The following DLG2 variants were observed in gnomAD, a reference collection of about 807,000 sequenced individuals.
DLG2 encodes discs large MAGUK scaffold protein 2.
In DLG2, 45 loss-of-function variants were observed where a neutral mutation model predicts 132.5. The ratio of observed to expected loss-of-function variants is 0.34; its 90% CI spans 0.27 to 0.44. DLG2 has a LOEUF of 0.44. DLG2 is among the 20% of genes least tolerant of loss of function. The pLI, the probability that DLG2 is intolerant of heterozygous loss-of-function variation, is 1.00. For synonymous variants in DLG2, 424 were observed against 419.6 expected (o/e 1.01, Z -0.13); for missense variants, 1,045 against 1,196.9 (o/e 0.87, Z 1.87).
chr11:84,681,600 C>G (rs2099730157), intron 6 of DLG2, among the ~76,000 whole-genome samples: 1 of 152,108 alleles, frequency 6.6e-6, no homozygotes, highest in Admixed American at 6.6e-5. Flanking sequence ...GCTGGCTCTT[C>G]CAACCATCAG....
At chr11:84,650,888 T>TACATATATACTATATAG (rs780115537) in intron 6 of DLG2, among the ~76,000 whole-genome samples, 4,705 of 109,364 alleles carry the variant, frequency 0.043, 119 homozygotes, top group South Asian at 0.088. Context: ...TATATATATA[T>TACATATATACTATATAG]ATATATATAT....
chr11:84,903,119 A>G (rs1028261632), intron 6 of DLG2, among the ~76,000 whole-genome samples: 3 of 152,162 alleles, frequency 2.0e-5, no homozygotes, highest in Non-Finnish European at 4.4e-5. Context: ...AAATCTGGTC[A>G]GAACACTCCT....
chr11:84,784,665 C>G (rs1203140854), intron 6 of DLG2, among the ~76,000 whole-genome samples: 1 of 151,838 alleles, frequency 6.6e-6, no homozygotes, highest in African/African-American at 2.4e-5. Flanking sequence ...CTAGTACCAA[C>G]AAAAATTCTT....
intron 6 of DLG2, among the ~76,000 whole-genome samples, chr11:84,823,840 C>T (rs2078011313): frequency 6.6e-6 from 1 of 151,524 alleles, no homozygotes; most frequent in Admixed American, 6.6e-5. Flanking sequence ...ATGAATAAAC[C>T]ACACAAAGAT....
chr11:84,124,618 T>C (rs1050658272), intron 9 of DLG2, among the ~76,000 whole-genome samples: 1 of 152,164 alleles, frequency 6.6e-6, no homozygotes, highest in African/African-American at 2.4e-5. Flanking sequence ...TTCTTTACCA[T>C]AAACTTGACA....
chr11:85,380,595 G>A (rs1215990596), intron 3 of DLG2, among the ~76,000 whole-genome samples: 1 of 152,196 alleles, frequency 6.6e-6, no homozygotes, highest in Non-Finnish European at 1.5e-5. Context: ...AGGAGGCGGA[G>A]GTTGCGGTGA....
chr11:85,108,317 A>G (rs1306700664), intron 6 of DLG2, among the ~76,000 whole-genome samples: 2 of 152,092 alleles, frequency 1.3e-5, no homozygotes, highest in Non-Finnish European at 2.9e-5. Flanking sequence ...TGAAAAATAT[A>G]CAAGGATAAT....
At chr11:84,068,787 T>C (rs977889511) in intron 10 of DLG2, among the ~76,000 whole-genome samples, 6 of 152,210 alleles carry the variant, frequency 3.9e-5, no homozygotes, top group Admixed American at 3.9e-4. Context: ...TTATATACTA[T>C]GTTATATAGT....
chr11:84,038,151 G>A (rs1264715566), intron 11 of DLG2, among the ~76,000 whole-genome samples: 1 of 151,656 alleles, frequency 6.6e-6, no homozygotes, highest in African/African-American at 2.4e-5. Context: ...GCCCCAGTGT[G>A]GTTGTTCCCC....
intron 3 of DLG2, among the ~76,000 whole-genome samples, chr11:85,319,684 C>T (rs927003424): frequency 4.0e-5 from 6 of 151,798 alleles, no homozygotes; most frequent in Non-Finnish European, 7.4e-5. Context: ...AAGCAACCAG[C>T]CTGCCAAGAC....
chr11:84,674,372 T>C (rs2099709149), intron 6 of DLG2, among the ~76,000 whole-genome samples: 1 of 152,112 alleles, frequency 6.6e-6, no homozygotes, highest in South Asian at 2.1e-4. Context: ...ACTACATGAA[T>C]GAGCAGAGTA....
intron 18 of DLG2, among the ~76,000 whole-genome samples, chr11:83,639,684 C>G (rs2065898280): frequency 1.3e-5 from 2 of 151,040 alleles, no homozygotes; most frequent in South Asian, 2.1e-4. Context: ...GTGCAGCACA[C>G]CAACATGGCA....
intron 6 of DLG2, among the ~76,000 whole-genome samples, chr11:84,951,249 A>T (rs537948560): frequency 6.6e-6 from 1 of 152,216 alleles, no homozygotes; most frequent in Non-Finnish European, 1.5e-5. Flanking sequence ...CATTATTCTA[A>T]TCTTTACAAG....
chr11:84,662,807 A>G (rs891678036), intron 6 of DLG2, among the ~76,000 whole-genome samples: 1 of 147,120 alleles, frequency 6.8e-6, no homozygotes, highest in Non-Finnish European at 1.5e-5. Context: ...AAAAAAAAAA[A>G]GGCAGTCACT....
chr11:84,076,127 T>C (rs1671019132), intron 10 of DLG2, among the ~76,000 whole-genome samples: 1 of 152,218 alleles, frequency 6.6e-6, no homozygotes, highest in Non-Finnish European at 1.5e-5. Context: ...GTGTCAGTCA[T>C]TCATATTTGA....
At chr11:84,442,336 C>T (rs1386784946) in intron 7 of DLG2, among the ~76,000 whole-genome samples, 2 of 152,092 alleles carry the variant, frequency 1.3e-5, no homozygotes, top group South Asian at 4.2e-4. Flanking sequence ...CCTTTATACA[C>T]CATAGAATAC....
intron 6 of DLG2, among the ~76,000 whole-genome samples, chr11:85,004,977 T>A (rs1172985365): frequency 6.6e-6 from 1 of 152,232 alleles, no homozygotes; most frequent in African/African-American, 2.4e-5. Flanking sequence ...ATTTATTAAA[T>A]AGGGAATCCT....
chr11:84,156,777 G>C (rs2095437542), intron 9 of DLG2, among the ~76,000 whole-genome samples: 2 of 152,158 alleles, frequency 1.3e-5, no homozygotes, highest in Non-Finnish European at 2.9e-5. Flanking sequence ...TAGGATATAA[G>C]GTATGTAACA....
chr11:83,704,516 T>TTA (rs2083523295), intron 18 of DLG2, among the ~76,000 whole-genome samples: 1 of 151,738 alleles, frequency 6.6e-6, no homozygotes, highest in Non-Finnish European at 1.5e-5. Context: ...TTTCTTTTTT[T>TTA]AAAAAAAATG....
Sources: gnomAD v4.1 joint callset for allele counts (sites outside exome capture counted in the v4.1 genomes callset) on GRCh38, gnomAD v4.1.1 for gene constraint, MANE v1.5 for transcripts, NCBI Gene and HGNC (gene_info 2026-07-23, HGNC 2026-07-21) for gene names.